Variants in RNGTT observed in about 807,000 individuals in gnomAD.
RNGTT encodes the protein RNA guanylyltransferase and 5'-phosphatase, also known as mRNA-capping enzyme.
RNGTT carries 33 observed loss-of-function variants against 79.3 expected under a neutral mutation model. The observed-to-expected ratio is 0.42, with a 90% CI of 0.32 to 0.56. The LOEUF (loss-of-function observed/expected upper bound fraction) is 0.56. RNGTT is among the 20% of genes least tolerant of loss of function. The probability of loss-of-function intolerance (pLI) is 0.17; values close to 1 mark genes in which losing one functional copy is unlikely to be tolerated. For missense variants in RNGTT, 497 were observed against 739.1 expected, an observed-to-expected ratio of 0.67 and a Z score of 3.80; for synonymous variants, 222 against 235.9, an observed-to-expected ratio of 0.94 and a Z score of 0.54.
intron 8 of RNGTT, among the ~76,000 whole-genome samples, chr6:88,867,399 C>T (rs920414919): frequency 1.3e-5 from 2 of 152,070 alleles, no homozygotes; most frequent in Non-Finnish European, 2.9e-5. Context: ...ACAAGAATCG[C>T]TTGAACCTGG....
chr6:88,772,213 C>A (rs181865447), intron 12 of RNGTT, among the ~76,000 whole-genome samples: 1 of 147,576 alleles, frequency 6.8e-6, no homozygotes. Flanking sequence ...TCTAGAGGAA[C>A]AAAATATGTA....
intron 10 of RNGTT, among the ~76,000 whole-genome samples, chr6:88,848,883 A>T (rs1781575349): frequency 6.6e-6 from 1 of 152,106 alleles, no homozygotes; most frequent in Non-Finnish European, 1.5e-5. Flanking sequence ...TCAGTACATG[A>T]GTATTCCTTA....
At chr6:88,770,963 T>G (rs1208421412) in intron 12 of RNGTT, among the ~76,000 whole-genome samples, 1 of 152,144 alleles carries the variant, frequency 6.6e-6, no homozygotes, top group Non-Finnish European at 1.5e-5. Flanking sequence ...GTTTGACTCA[T>G]TACTGCCTTG....
At chr6:88,748,444 T>C (rs1047092932) in intron 13 of RNGTT, among the ~76,000 whole-genome samples, 5 of 152,104 alleles carry the variant, frequency 3.3e-5, no homozygotes, top group African/African-American at 9.7e-5. Flanking sequence ...TCCCTCACTT[T>C]CTTCAACTAT....
intron 6 of RNGTT, among the ~76,000 whole-genome samples, chr6:88,897,633 T>C (rs1053089121): frequency 1.3e-5 from 2 of 152,188 alleles, no homozygotes; most frequent in African/African-American, 4.8e-5. Context: ...GAATAGTTTA[T>C]AGTAGTGTGC....
chr6:88,953,958 T>C (rs1785341961), intron 1 of RNGTT, among the ~76,000 whole-genome samples: 1 of 152,082 alleles, frequency 6.6e-6, no homozygotes, highest in Non-Finnish European at 1.5e-5. Context: ...AAAGACACAC[T>C]ACAAGAAATG....
At chr6:88,679,697 T>C (rs1004264979) in intron 13 of RNGTT, among the ~76,000 whole-genome samples, 2 of 152,200 alleles carry the variant, frequency 1.3e-5, no homozygotes, top group Non-Finnish European at 2.9e-5. Context: ...AATACTATCA[T>C]TATAACTGTG....
At chr6:88,864,265 T>C (rs905536926) in intron 8 of RNGTT, among the ~76,000 whole-genome samples, 1 of 152,134 alleles carries the variant, frequency 6.6e-6, no homozygotes, top group African/African-American at 2.4e-5. Context: ...AGGGAGCAAG[T>C]AGGAGTGTTA....
intron 4 of RNGTT, among the ~76,000 whole-genome samples, chr6:88,916,499 C>A (rs1018242298): frequency 3.3e-5 from 5 of 151,968 alleles, no homozygotes; most frequent in African/African-American, 9.7e-5. Context: ...TCAGAGTGTA[C>A]AATTTAAATG....
At chr6:88,754,420 G>A (rs1323982257) in intron 13 of RNGTT, among the ~76,000 whole-genome samples, 2 of 152,180 alleles carry the variant, frequency 1.3e-5, no homozygotes, top group African/African-American at 4.8e-5. Context: ...AGTAGAGGAT[G>A]TAGGGAACAT....
intron 11 of RNGTT, among the ~76,000 whole-genome samples, chr6:88,824,694 A>G (rs1429287847): frequency 1.3e-5 from 2 of 152,058 alleles, no homozygotes; most frequent in African/African-American, 4.8e-5. Flanking sequence ...AAACACATAT[A>G]AACAAGACGC....
At chr6:88,803,365 G>A (rs2127864465) in intron 11 of RNGTT, among the ~76,000 whole-genome samples, 1 of 151,986 alleles carries the variant, frequency 6.6e-6, no homozygotes, top group South Asian at 2.1e-4. Flanking sequence ...CATGAGGTCA[G>A]GAGTTCAAGA....
At chr6:88,760,985 A>ATT (rs35887359) in intron 13 of RNGTT, among the ~76,000 whole-genome samples, 1,555 of 133,584 alleles carry the variant, frequency 0.012, 24 homozygotes, top group African/African-American at 0.039. Context: ...AGCTCATTCT[A>ATT]TTTTTTTTTT....
At chr6:88,921,438 C>A (rs531159559) in intron 4 of RNGTT, among the ~76,000 whole-genome samples, 3 of 152,232 alleles carry the variant, frequency 2.0e-5, no homozygotes, top group Admixed American at 6.5e-5. Flanking sequence ...ATGCTGTAGG[C>A]TTCATGGAAA....
chr6:88,933,264 G>A (rs1272265412), intron 2 of RNGTT, among the ~76,000 whole-genome samples: 1 of 152,126 alleles, frequency 6.6e-6, no homozygotes, highest in Admixed American at 6.5e-5. Context: ...TGTGTTAAGA[G>A]TATTTCAAGT....
intron 7 of RNGTT, 98 bp from the exon 8 acceptor site, chr6:88,890,694 G>C: frequency 1.4e-6 from 1 of 695,002 alleles, no homozygotes; most frequent in Non-Finnish European, 2.4e-6. Flanking sequence ...TTATCACAAT[G>C]TTCTCCCTAT....
chr6:88,678,259 A>G (rs746260440), intron 14 of RNGTT, 94 bp downstream of exon 14: 5 of 1,511,918 alleles, frequency 3.3e-6, no homozygotes, highest in South Asian at 2.6e-5. Context: ...CTGGAACACG[A>G]TATTTTTATA....
intron 6 of RNGTT, among the ~76,000 whole-genome samples, chr6:88,896,810 T>C (rs1783265848): frequency 6.6e-6 from 1 of 152,184 alleles, no homozygotes. Flanking sequence ...AAAAAGTTGG[T>C]CTTTCTGACT....
chr6:88,880,202 GAA>G (rs1782652593), intron 8 of RNGTT, among the ~76,000 whole-genome samples: 2 of 150,648 alleles, frequency 1.3e-5, no homozygotes, highest in Non-Finnish European at 2.9e-5. Context: ...ATGAATGAAT[GAA>G]TGAATGAATG....
Sources: gnomAD v4.1 joint callset for allele counts (sites outside exome capture counted in the v4.1 genomes callset) on GRCh38, gnomAD v4.1.1 for gene constraint, MANE v1.5 for transcripts, NCBI Gene and HGNC (gene_info 2026-07-23, HGNC 2026-07-21) for gene names.